Variants in DPP6 observed in about 807,000 individuals in gnomAD.
DPP6 encodes the protein dipeptidyl peptidase like 6.
DPP6 carries 69 observed loss-of-function variants against 122.6 expected under a neutral mutation model. That is an observed-to-expected ratio of 0.56 (90% confidence interval 0.46 to 0.69). The LOEUF (loss-of-function observed/expected upper bound fraction) is 0.69, where lower values mean the gene tolerates loss of function less well. Ranked by LOEUF, DPP6 falls within the 30% of genes least tolerant of loss-of-function variation. The pLI, the probability that DPP6 is intolerant of heterozygous loss-of-function variation, is 0.00. For missense variants in DPP6, 928 were observed against 1,116.9 expected (o/e 0.83, Z 2.41); for synonymous variants, 418 against 433.1 (o/e 0.97, Z 0.43).
intron 1 of DPP6, among the ~76,000 whole-genome samples, chr7:154,325,235 G>A (rs562375199): frequency 7.2e-5 from 11 of 152,182 alleles, no homozygotes; most frequent in East Asian, 1.9e-4. Context: ...CAATGGCTGC[G>A]AATCGGCAGA....
At position 154,727,323 on chromosome 7, in the gene DPP6, A is replaced by G. The variant is rs192842595; in HGVS notation, c.763-444A>G. 4.6e-5 allele frequency among the ~76,000 whole-genome samples: 7 copies of G among 152,240 alleles called. No homozygotes were observed. The East Asian group carries it at 9.6e-4, about 21-fold the overall frequency. On this transcript the variant is annotated intron_variant, in intron 7 of 25. Transcript: ENST00000377770. ...AGAGAGCACAGGGGGAGGGCTACAC[A>G]CTTTTAAACAGCCAAATCTTGTGAG...
At chr7:154,453,234 C>T (rs953002617) in intron 2 of DPP6, among the ~76,000 whole-genome samples, 6 of 151,972 alleles carry the variant, frequency 3.9e-5, no homozygotes, top group African/African-American at 1.2e-4. Context: ...TGGTTTATGC[C>T]GGAAACACTA....
rs1563055059 is a variant in DPP6 at position 153,964,803 on chromosome 7, TTTCC to T, written c.51+77072_51+77075del. On this transcript the variant is annotated intron_variant, in intron 1 of 25. Transcript: ENST00000404039. ...GCTCCTTTCCTTTCCTTTCCTTTCC[TTTCC>T]TTTCCTTTCCTTTCCTTTCCTTTTC... is the stretch of plus-strand genomic sequence containing the variant. Among the ~76,000 whole-genome samples the T allele has an allele frequency of 7.2e-3, 365 of 50,370 alleles. 41 individuals are homozygous for T. The highest frequency in any genetic ancestry group is 0.038 in the African/African-American group (319 of 8,406). The allele number at this position is 50,370 out of a possible 152,430, so 33.0% of individuals were successfully genotyped here.
At chr7:153,923,631 G>A (rs1271752313) in intron 1 of DPP6, among the ~76,000 whole-genome samples, 1 of 151,712 alleles carries the variant, frequency 6.6e-6, no homozygotes, top group African/African-American at 2.4e-5. Context: ...CATGGTGGCG[G>A]GCACCTGTAG....
chr7:154,217,057 GCACAAGCCTCCA>G (rs2150820753), intron 1 of DPP6, among the ~76,000 whole-genome samples: 1 of 151,576 alleles, frequency 6.6e-6, no homozygotes, highest in Non-Finnish European at 1.5e-5. Context: ...CCAATTTTAC[GCACAAGCCTCCA>G]CTTTAAGGAA....
At chr7:154,796,990 A>T (rs1798085803) in intron 12 of DPP6, among the ~76,000 whole-genome samples, 1 of 152,200 alleles carries the variant, frequency 6.6e-6, no homozygotes, top group African/African-American at 2.4e-5. Context: ...GGGAAGAGGG[A>T]AGACTTAGGG....
intron 1 of DPP6, among the ~76,000 whole-genome samples, chr7:154,041,126 C>T (rs866711521): frequency 6.6e-6 from 1 of 152,120 alleles, no homozygotes; most frequent in Non-Finnish European, 1.5e-5. Context: ...ACTCATACTC[C>T]TCCTCTGTGG....
intron 5 of DPP6, among the ~76,000 whole-genome samples, chr7:154,631,908 C>T (rs555113201): frequency 5.3e-5 from 8 of 152,218 alleles, no homozygotes; most frequent in African/African-American, 1.7e-4. Context: ...AGTTTCAAAA[C>T]GTCAGCCGGA....
rs1266934855 is a variant in DPP6 at position 154,241,249 on chromosome 7, T to G, written c.243+188186T>G. On this transcript the variant is annotated intron_variant, in intron 1 of 25. Coordinates refer to ENST00000377770, the MANE Select transcript of DPP6 (RefSeq NM_130797.4). This position sits in a 1 kb window ranked among gnomAD's most constrained non-coding sequence, Gnocchi z 9.0. ...TATATATAGAGAGAGAGAGAGACACTTTTATCCATTTAGGAAGACAAACAT... is the reference window on the plus strand; with the variant it reads ...TATATATAGAGAGAGAGAGAGACACGTTTATCCATTTAGGAAGACAAACAT... Among the ~76,000 whole-genome samples the G allele has an allele frequency of 6.7e-6, 1 of 148,894 alleles. No homozygotes were observed. Among genetic ancestry groups the G allele is most frequent in the African/African-American group, 2.5e-5 (1 of 39,798 alleles).
chr7:153,951,690 C>A (rs1802222415), intron 1 of DPP6, among the ~76,000 whole-genome samples: 1 of 152,078 alleles, frequency 6.6e-6, no homozygotes, highest in Non-Finnish European at 1.5e-5. Context: ...CTTCCCACAC[C>A]AAACACAAGA....
intron 1 of DPP6, among the ~76,000 whole-genome samples, chr7:154,157,332 A>C (rs1249370068): frequency 6.6e-6 from 1 of 152,238 alleles, no homozygotes. Context: ...GGAGCCCGGC[A>C]CAGGTCCCTT....
At chr7:153,975,801 G>A (rs1018925326) in intron 1 of DPP6, among the ~76,000 whole-genome samples, 9 of 152,208 alleles carry the variant, frequency 5.9e-5, no homozygotes, top group Admixed American at 1.3e-4. Context: ...TAGAGACTTT[G>A]AAGTCAAAAA....
At chr7:154,489,892 G>A (rs1283524361) in intron 3 of DPP6, among the ~76,000 whole-genome samples, 2 of 150,052 alleles carry the variant, frequency 1.3e-5, no homozygotes, top group East Asian at 1.9e-4. Context: ...CGAAAGATAC[G>A]TTTCTGGAAT....
chr7:153,808,234 TGTGCGTGTGTGCAC>T, the DPP6 span, among the ~76,000 whole-genome samples: 1 of 151,132 alleles, frequency 6.6e-6, no homozygotes, highest in African/African-American at 2.4e-5. Context: ...CGTGCCTGAG[TGTGCGTGTGTGCAC>T]GTGCGTGCGT....
intron 5 of DPP6, among the ~76,000 whole-genome samples, chr7:154,591,700 C>T (rs547640396): frequency 6.6e-6 from 1 of 152,304 alleles, no homozygotes; most frequent in Admixed American, 6.5e-5. Flanking sequence ...TAAATATAAA[C>T]AGCCTCAGGC....
At chr7:154,133,573 A>G (rs1264665446) in intron 1 of DPP6, among the ~76,000 whole-genome samples, 2 of 152,196 alleles carry the variant, frequency 1.3e-5, no homozygotes, top group Admixed American at 6.5e-5. Flanking sequence ...CAGGAAAGTC[A>G]TTCTCCTTCG....
In DPP6 at chr7:154,241,399, G is replaced by A. The variant is rs747024955; in HGVS notation, c.243+188336G>A. 6.6e-6 allele frequency among the ~76,000 whole-genome samples: 1 copy of A among 151,918 alleles called. No homozygotes were observed. The highest frequency in any genetic ancestry group is 1.5e-5 in the Non-Finnish European group (1 of 67,984). ...GTTTTTAAAGATCCCATTCTGGCAG[G>A]TCATGGTGACTCACACCTGGCGTGG... On this transcript the variant is annotated intron_variant, in intron 1 of 25. Coordinates refer to ENST00000377770, the MANE Select transcript of DPP6 (RefSeq NM_130797.4). This position sits in a 1 kb window ranked among gnomAD's most constrained non-coding sequence, Gnocchi z 9.0.
At chr7:154,561,248 T>C (rs1006726299) in intron 4 of DPP6, among the ~76,000 whole-genome samples, 5 of 152,166 alleles carry the variant, frequency 3.3e-5, no homozygotes, top group African/African-American at 9.7e-5. Context: ...ATTAACCAAG[T>C]CAACCGAATT....
the DPP6 span, among the ~76,000 whole-genome samples, chr7:153,755,620 TC>T: frequency 2.0e-5 from 3 of 152,136 alleles, no homozygotes; most frequent in African/African-American, 7.2e-5. Flanking sequence ...CCATAGACCT[TC>T]CCCCTTCTGG....
Sources: gnomAD v4.1 joint callset for allele counts (sites outside exome capture counted in the v4.1 genomes callset) on GRCh38, gnomAD v4.1.1 for gene constraint, Gnocchi (gnomAD v3.1) non-coding constraint, MANE v1.5 for transcripts, NCBI Gene and HGNC (gene_info 2026-07-23, HGNC 2026-07-21) for gene names.